TLK1: variants seen among roughly 807,000 people sequenced by gnomAD.
TLK1 encodes the protein serine/threonine-protein kinase tousled-like 1.
Under a neutral mutation model 105.3 loss-of-function variants are expected in TLK1, and 24 were observed. The observed-to-expected ratio is 0.23, with a 90% CI of 0.17 to 0.32. The LOEUF is 0.32. TLK1 is among the 10% of genes least tolerant of loss of function. The pLI is 1.00. For synonymous variants in TLK1, 321 were observed against 310.4 expected, an observed-to-expected ratio of 1.03 and a Z score of -0.36; for missense variants, 558 against 910.5, an observed-to-expected ratio of 0.61 and a Z score of 4.98.
chr2:171,014,353 T>C (rs1305131094), intron 13 of TLK1, among the ~76,000 whole-genome samples: 1 of 151,472 alleles, frequency 6.6e-6, no homozygotes, highest in East Asian at 1.9e-4. Context: ...AAAGAGGAAA[T>C]GAAGAAGCAG....
chr2:171,188,562 C>T (rs1049244439), intron 1 of TLK1, among the ~76,000 whole-genome samples: 11 of 151,916 alleles, frequency 7.2e-5, no homozygotes, highest in Non-Finnish European at 1.6e-4. Flanking sequence ...AAAAATTAGC[C>T]GGGTGTGGTG....
At chr2:171,169,773 AAG>A (rs1692691663) in intron 1 of TLK1, among the ~76,000 whole-genome samples, 2 of 152,222 alleles carry the variant, frequency 1.3e-5, no homozygotes, top group South Asian at 4.1e-4. Context: ...GACCAAGAAA[AAG>A]AAGGATTAAC....
chr2:171,194,337 T>C (rs1693218782), intron 1 of TLK1, among the ~76,000 whole-genome samples: 2 of 152,052 alleles, frequency 1.3e-5, no homozygotes, highest in African/African-American at 4.8e-5. Flanking sequence ...CAGAAATAAA[T>C]TGACTGAAGA....
At chr2:171,038,950 G>A (rs1190990393) in intron 11 of TLK1, among the ~76,000 whole-genome samples, 1 of 152,042 alleles carries the variant, frequency 6.6e-6, no homozygotes, top group Non-Finnish European at 1.5e-5. Flanking sequence ...ACTATGATTT[G>A]TGGATCTGTC....
chr2:170,991,116 C>T lies in TLK1; in HGVS notation c.*2664G>A, dbSNP rs1450622517. 6.6e-6 allele frequency: 1 copy of T among 152,066 alleles called. No individual in the cohort carries two copies. The highest frequency in any genetic ancestry group is 1.9e-4 in the East Asian group (1 of 5,188). The allele number at this position is 152,066 out of a possible 1,614,324, so 9.4% of individuals were successfully genotyped here. ...CACTTACTTCCTCTCAACATGCACA[C>T]ACTAAAGCAAATTCAAATCAAAGAA... On this transcript the variant is annotated 3_prime_UTR_variant, in exon 21 of 21. Transcript: ENST00000431350.
intron 12 of TLK1, among the ~76,000 whole-genome samples, chr2:171,027,741 ATAATC>A (rs1685843955): frequency 6.6e-6 from 1 of 152,260 alleles, no homozygotes; most frequent in Non-Finnish European, 1.5e-5. Flanking sequence ...CTTAAATAGA[ATAATC>A]TAAAGACCTT....
At chr2:171,229,426 A>T (rs755925441) in intron 1 of TLK1, among the ~76,000 whole-genome samples, 2 of 152,068 alleles carry the variant, frequency 1.3e-5, no homozygotes, top group Non-Finnish European at 2.9e-5. Context: ...ATGCCAGGAG[A>T]GCTGGGCCTC....
rs1575582219 is a variant in TLK1, at chr2:171,081,455, A to C, written c.330+1326T>G. ...CAGGTGAAATTACTAAATATTCCCAATTCTGGGAAAATATCAAGAAATGTT... is the reference window on the plus strand; with the variant it reads ...CAGGTGAAATTACTAAATATTCCCACTTCTGGGAAAATATCAAGAAATGTT... On this transcript the variant is annotated intron_variant, in intron 3 of 20. Coordinates refer to ENST00000431350, the MANE Select transcript of TLK1 (RefSeq NM_012290.5). Among the ~76,000 whole-genome samples the C allele has an allele frequency of 2.6e-5, 4 of 152,234 alleles. No individual in the cohort carries two copies. In the East Asian group the frequency reaches 7.7e-4, roughly 29 times the overall value.
At chr2:171,135,598 C>A (rs928338917) in intron 1 of TLK1, among the ~76,000 whole-genome samples, 1 of 151,776 alleles carries the variant, frequency 6.6e-6, no homozygotes, top group Admixed American at 6.6e-5. Flanking sequence ...GTCAGGAGTT[C>A]GAGACCATCC....
intron 12 of TLK1, among the ~76,000 whole-genome samples, chr2:171,017,605 AAAAT>A (rs1191566560): frequency 1.3e-5 from 2 of 152,332 alleles, no homozygotes; most frequent in East Asian, 1.9e-4. Context: ...TCAATATTAC[AAAAT>A]AAATACTTGT....
At chr2:171,054,122 T>C in intron 7 of TLK1, 1 of 231,992 alleles carries the variant, frequency 4.3e-6, no homozygotes, top group Non-Finnish European at 8.3e-6. Context: ...GTGCTATACG[T>C]TCCTCTAGTT....
chr2:171,074,094 T>C (rs2105465674), intron 3 of TLK1, among the ~76,000 whole-genome samples: 1 of 152,238 alleles, frequency 6.6e-6, no homozygotes, highest in East Asian at 1.9e-4. Context: ...TTCCACCCTG[T>C]TGGCCAGGCT....
intron 1 of TLK1, among the ~76,000 whole-genome samples, chr2:171,184,853 G>T (rs201721181): frequency 4.8e-5 from 7 of 145,418 alleles, no homozygotes; most frequent in South Asian, 5.1e-4. Flanking sequence ...TTGTTTGTTT[G>T]TTTGAGATGG....
At chr2:171,102,121 T>C (rs1362004453) in intron 2 of TLK1, among the ~76,000 whole-genome samples, 4 of 152,228 alleles carry the variant, frequency 2.6e-5, no homozygotes, top group Non-Finnish European at 5.9e-5. Context: ...TCTTAATATA[T>C]CTTGGAGACA....
chr2:171,006,825 C>T lies in TLK1; in HGVS notation c.1573G>A (p.Asp525Asn). Residue 525 changes from aspartate (D) to asparagine (N), a missense_variant, in exon 16 of 21, where the codon GAT (aspartate) becomes AAT (asparagine). By Grantham distance (23) the Asp-to-Asn change is conservative (BLOSUM62 1). Transcript: ENST00000431350. Reference protein sequence around the residue: ...LDHPRIVKLYDYFSLDTDTFC... With the variant: ...LDHPRIVKLYNYFSLDTDTFC... ...GTATCTGTATCCAAGGAGAAATAATCATAGAGTTTAACTATTCTGGGGTGA... is the reference window on the plus strand; with the variant it reads ...GTATCTGTATCCAAGGAGAAATAATTATAGAGTTTAACTATTCTGGGGTGA... The T allele has an allele frequency of 6.2e-7, 1 of 1,613,054 alleles. No homozygotes were observed.
intron 18 of TLK1, among the ~76,000 whole-genome samples, chr2:170,998,107 TACC>T (rs1217167728): frequency 2.1e-5 from 3 of 144,334 alleles, no homozygotes; most frequent in East Asian, 4.0e-4. Context: ...CCTACCTACC[TACC>T]ACCTACCTAC....
At chr2:171,010,905 TG>T (rs1212093682) in intron 14 of TLK1, among the ~76,000 whole-genome samples, 2 of 152,204 alleles carry the variant, frequency 1.3e-5, no homozygotes, top group Non-Finnish European at 2.9e-5. Context: ...ACTGTGCAGG[TG>T]GCAAGGACAG....
intron 2 of TLK1, among the ~76,000 whole-genome samples, chr2:171,097,183 G>C (rs1689487368): frequency 6.6e-6 from 1 of 152,148 alleles, no homozygotes; most frequent in African/African-American, 2.4e-5. Context: ...ACACATGTAG[G>C]GTGAATTGAT....
chr2:171,140,612 A>C (rs1691534276), intron 1 of TLK1, among the ~76,000 whole-genome samples: 1 of 152,374 alleles, frequency 6.6e-6, no homozygotes, highest in African/African-American at 2.4e-5. Context: ...CTCAATCCTT[A>C]AAAGTGAATT....
Sources: allele counts gnomAD v4.1 joint callset (sites outside exome capture counted in the v4.1 genomes callset), GRCh38; gene constraint gnomAD v4.1.1; transcripts MANE v1.5; gene names NCBI Gene and HGNC (gene_info 2026-07-23, HGNC 2026-07-21).